SLC40A1: variants seen among roughly 807,000 people sequenced by gnomAD.
SLC40A1 encodes solute carrier family 40 member 1.
In SLC40A1, 16 loss-of-function variants were observed where a neutral mutation model predicts 53.5. The ratio of observed to expected loss-of-function variants is 0.30; its 90% CI spans 0.20 to 0.45. The LOEUF (loss-of-function observed/expected upper bound fraction) is 0.45. SLC40A1 is among the 20% of genes least tolerant of loss of function. The pLI is 1.00. For missense variants in SLC40A1, 545 were observed against 695.4 expected (o/e 0.78, Z 2.43); for synonymous variants, 247 against 253.2 (o/e 0.98, Z 0.23).
chr2:189,564,325 G>T, intron 6 of SLC40A1, 100 bp from the exon 7 acceptor site: 1 of 946,632 alleles, frequency 1.1e-6, no homozygotes, highest in Non-Finnish European at 1.7e-6. Flanking sequence ...CTTCCCAATG[G>T]GTACCCTTGG....
chr2:189,568,447 C>T (rs1396726212), intron 5 of SLC40A1, among the ~76,000 whole-genome samples: 1 of 152,082 alleles, frequency 6.6e-6, no homozygotes, highest in African/African-American at 2.4e-5. Context: ...TGAGACTGTG[C>T]CACTGCACTC....
intron 4 of SLC40A1, 108 bp from the exon 5 acceptor site, chr2:189,571,949 G>C: frequency 5.1e-6 from 4 of 786,768 alleles, no homozygotes; most frequent in Non-Finnish European, 9.0e-6. Context: ...GATAAAAAAA[G>C]TATTTTAATT....
chr2:189,574,145 A>G (rs1021209512), intron 3 of SLC40A1, among the ~76,000 whole-genome samples: 1 of 152,204 alleles, frequency 6.6e-6, no homozygotes, highest in African/African-American at 2.4e-5. Context: ...GGAAATTGTT[A>G]TCCTACCACA....
intron 5 of SLC40A1, among the ~76,000 whole-genome samples, chr2:189,566,017 C>T (rs960596681): frequency 6.6e-6 from 1 of 151,982 alleles, no homozygotes; most frequent in African/African-American, 2.4e-5. Flanking sequence ...AATAAATCAA[C>T]AAGCATATGT....
At chr2:189,564,319 C>A in intron 6 of SLC40A1, 94 bp from the exon 7 acceptor site, 1 of 1,002,354 alleles carries the variant, frequency 1.0e-6, no homozygotes, top group Non-Finnish European at 1.6e-6. Flanking sequence ...ATTCCCCTTC[C>A]CAATGGGTAC....
chr2:189,580,429 C>T lies in SLC40A1; in HGVS notation c.32G>A (p.Arg11Lys), dbSNP rs1167750579. The T allele has an allele frequency of 4.3e-6, 7 of 1,613,950 alleles. No homozygotes were observed. The highest frequency in any genetic ancestry group is 5.9e-6 in the Non-Finnish European group (7 of 1,180,034). Residue 11 changes from arginine to lysine, a missense_variant, in exon 1 of 8, where the codon AGA becomes AAA. Physicochemically the swap from Arg to Lys is conservative, Grantham distance 26. Coordinates refer to ENST00000261024, the MANE Select transcript of SLC40A1 (RefSeq NM_014585.6). Reference protein sequence around the residue: MTRAGDHNRQRGCCGSLADYL... With the variant: MTRAGDHNRQKGCCGSLADYL... Reference sequence around the variant, plus strand: ...TCAACGACACTCACCACAGCATCCTCTCTGGCGGTTGTGATCTCCCGCCCT... The same window carrying T: ...TCAACGACACTCACCACAGCATCCTTTCTGGCGGTTGTGATCTCCCGCCCT...
intron 5 of SLC40A1, among the ~76,000 whole-genome samples, chr2:189,571,116 C>T (rs983874870): frequency 5.3e-5 from 8 of 152,206 alleles, no homozygotes; most frequent in African/African-American, 1.9e-4. Context: ...TTCAGATGTT[C>T]TTTGACCACT....
chr2:189,579,725 A>T lies in SLC40A1; in HGVS notation c.111+88T>A, dbSNP rs1480208142. 3.9e-5 allele frequency: 45 copies of T among 1,143,044 alleles called. No individual in the cohort carries two copies. The Middle Eastern group carries it at 9.7e-4, about 25-fold the overall frequency. The allele number at this position is 1,143,044 out of a possible 1,614,324, so 70.8% of individuals were successfully genotyped here. A position where few individuals can be genotyped will look rare whatever the true frequency, so the allele number is the denominator to read the frequency against. On this transcript the variant is annotated intron_variant, in intron 2 of 7. Coordinates refer to ENST00000261024, the MANE Select transcript of SLC40A1 (RefSeq NM_014585.6). ...TTTATTTCTTTAACTGCTTGACAAA[A>T]CTGGAAGTTGGCTTAATACAACTGG...
In SLC40A1 at chr2:189,572,927, T is replaced by C. The variant is rs201485374; in HGVS notation, c.306A>G (p.Ser102=). The change falls in exon 4 of 8, where the codon TCA becomes TCG. Residue 102 remains serine (S), a synonymous_variant. Transcript: ENST00000261024. ...TCAGGATGATTCCACACAGGATGAC[T>C]GAAACATTCTGTACCACCAGCGAGG... The part of the protein sequence containing the change: ...AQTSLVVQNV[S]VILCGIILMM... 1.7e-5 allele frequency: 27 copies of C among 1,613,994 alleles called. No individual in the cohort carries two copies. The highest frequency in any genetic ancestry group is 1.6e-4 in the Middle Eastern group (1 of 6,062).
intron 2 of SLC40A1, among the ~76,000 whole-genome samples, chr2:189,575,941 A>G (rs1310165067): frequency 1.3e-5 from 2 of 152,240 alleles, no homozygotes; most frequent in Non-Finnish European, 2.9e-5. Context: ...GGCACTGCAT[A>G]AACAGTGATG....
intron 5 of SLC40A1, among the ~76,000 whole-genome samples, chr2:189,566,433 G>A (rs1559011470): frequency 6.6e-6 from 1 of 152,178 alleles, no homozygotes; most frequent in Non-Finnish European, 1.5e-5. Flanking sequence ...ATTGGAAATA[G>A]ACAAGTCTTT....
In SLC40A1 at chr2:189,563,444, TA is replaced by T. The variant is rs2030820567; in HGVS notation, c.1402+139del. On this transcript the variant is annotated intron_variant, in intron 7 of 7. Coordinates refer to ENST00000261024, the MANE Select transcript of SLC40A1 (RefSeq NM_014585.6). The stretch of plus-strand genomic sequence containing the variant: ...ACAATAAATATAAAGTATAAATATG[TA>T]AAATAAAAATTTCGTAAGAGTGGAT... 38 of 664,806 alleles carry T rather than the reference TA, an allele frequency of 5.7e-5. 1 individual carries two copies. The South Asian group carries it at 9.2e-4, about 16-fold the overall frequency. The allele number at this position is 664,806 out of a possible 1,614,324, so 41.2% of individuals were successfully genotyped here. A position where few individuals can be genotyped will look rare whatever the true frequency, so the allele number is the denominator to read the frequency against.
rs1466362064 is a variant in SLC40A1, at chr2:189,580,725, T to C, written c.-265A>G. The C allele has an allele frequency of 3.6e-6, 5 of 1,378,462 alleles. No individual in the cohort carries two copies. In the East Asian group the frequency reaches 9.1e-5, roughly 25 times the overall value. The allele number at this position is 1,378,462 out of a possible 1,614,324, so 85.4% of individuals were successfully genotyped here. ...GCCTTATGGAAGCGGTTTGGGAGGC[T>C]CAGCAGGTCGTCCGAGCCTAGCGGA... is the stretch of plus-strand genomic sequence containing the variant. On this transcript the variant is annotated 5_prime_UTR_variant, in exon 1 of 8. Coordinates refer to ENST00000261024, the MANE Select transcript of SLC40A1 (RefSeq NM_014585.6).
intron 5 of SLC40A1, among the ~76,000 whole-genome samples, chr2:189,570,043 TAC>T (rs35639469): frequency 0.83 from 101,266 of 122,016 alleles, 42,812 homozygotes; most frequent in East Asian, 0.89. Context: ...TATATATATA[TAC>T]ACACACCTAT....
rs956018733 is a variant in SLC40A1 at position 189,563,915 on chromosome 2, A to C, written c.1071T>G (p.Thr357=). ...GASAITGIMG[T]VAFTWLRRKC... Reference sequence around the variant, plus strand: ...TTCGACGTAGCCAAGTAAAAGCTACAGTTCCCATTATTCCAGTTATAGCTG... The same window carrying C: ...TTCGACGTAGCCAAGTAAAAGCTACCGTTCCCATTATTCCAGTTATAGCTG... The change falls in exon 7 of 8, where the codon ACT becomes ACG. Residue 357 remains threonine, a synonymous_variant. Transcript: ENST00000261024. The C allele has an allele frequency of 6.2e-7, 1 of 1,614,106 alleles. No individual in the cohort carries two copies. Among genetic ancestry groups the C allele is most frequent in the African/African-American group, 1.3e-5 (1 of 74,936 alleles).
Position 189,564,269 on chromosome 2 carries a change from G to A in SLC40A1, c.761-44C>T, listed in dbSNP as rs755877049. 8 of 1,569,260 alleles carry A rather than the reference G, an allele frequency of 5.1e-6. No homozygotes were observed. The African/African-American group carries it at 1.1e-4, about 21-fold the overall frequency. On this transcript the variant is annotated intron_variant, in intron 6 of 7. Transcript: ENST00000261024. ...ATTATTTTGTTGGGGAGGACATGTAGAAATAAAAGCCAATTATTAGTAGTA... is the reference window on the plus strand; with the variant it reads ...ATTATTTTGTTGGGGAGGACATGTAAAAATAAAAGCCAATTATTAGTAGTA...
chr2:189,574,259 A>G (rs1425812866), intron 3 of SLC40A1, among the ~76,000 whole-genome samples: 1 of 152,238 alleles, frequency 6.6e-6, no homozygotes, highest in African/African-American at 2.4e-5. Flanking sequence ...GTTCCTATGT[A>G]TAATGATGCA....
At chr2:189,565,704 A>C in intron 5 of SLC40A1, 105 bp from the exon 6 acceptor site, 1 of 1,497,692 alleles carries the variant, frequency 6.7e-7, no homozygotes, top group Non-Finnish European at 9.3e-7. Flanking sequence ...GATTCCTAAA[A>C]TGTGGTTTTC....
chr2:189,575,142 A>T lies in SLC40A1; in HGVS notation c.271+19T>A, dbSNP rs1274369729. 1 of 1,613,826 alleles carries T rather than the reference A, an allele frequency of 6.2e-7. No homozygotes were observed. Among genetic ancestry groups the T allele is most frequent in the South Asian group, 1.1e-5 (1 of 91,082 alleles). On this transcript the variant is annotated intron_variant, in intron 3 of 7. Coordinates refer to ENST00000261024, the MANE Select transcript of SLC40A1 (RefSeq NM_014585.6). ...TTGGTCCCATGAATAAAAGGGCTTA[A>T]TTATATAACAACACTCACCTTTAAG...
Sources: allele counts gnomAD v4.1 joint callset (sites outside exome capture counted in the v4.1 genomes callset), GRCh38; gene constraint gnomAD v4.1.1; transcripts MANE v1.5; gene names NCBI Gene and HGNC (gene_info 2026-07-23, HGNC 2026-07-21).